PTPRD: variants seen among roughly 807,000 people sequenced by gnomAD.
The protein encoded by PTPRD is receptor-type tyrosine-protein phosphatase delta.
Under a neutral mutation model 214.5 loss-of-function variants are expected in PTPRD, and 34 were observed. That is an observed-to-expected ratio of 0.16 (90% CI 0.12 to 0.21). The LOEUF (loss-of-function observed/expected upper bound fraction) is 0.21, where lower values mean the gene tolerates loss of function less well. Among genes scored for constraint, PTPRD ranks in the 10% least tolerant of loss-of-function variants. The pLI is 1.00. For synonymous variants in PTPRD, 1,128 were observed against 845.7 expected (o/e 1.33, Z -5.79); for missense variants, 2,545 against 2,398.7 (o/e 1.06, Z -1.27).
chr9:8,904,552 G>C (rs1587758380), intron 11 of PTPRD, among the ~76,000 whole-genome samples: 1 of 151,734 alleles, frequency 6.6e-6, no homozygotes, highest in Non-Finnish European at 1.5e-5. Context: ...CATGCCTGTA[G>C]TCCCAGCTAC....
At chr9:9,855,603 C>G (rs1316755347) in intron 5 of PTPRD, among the ~76,000 whole-genome samples, 2 of 152,126 alleles carry the variant, frequency 1.3e-5, no homozygotes, top group South Asian at 2.1e-4. Flanking sequence ...AGGGAGCGCA[C>G]AAGTAAACAA....
intron 5 of PTPRD, among the ~76,000 whole-genome samples, chr9:9,837,581 G>A (rs1475510564): frequency 6.6e-6 from 1 of 152,044 alleles, no homozygotes; most frequent in African/African-American, 2.4e-5. Context: ...TTTGACTTTT[G>A]ATGGGGTAAA....
intron 14 of PTPRD, among the ~76,000 whole-genome samples, chr9:8,551,880 C>T (rs1464471001): frequency 6.6e-6 from 1 of 152,122 alleles, no homozygotes; most frequent in Non-Finnish European, 1.5e-5. Flanking sequence ...AAATGTGATC[C>T]AGTCATCCTG....
intron 3 of PTPRD, among the ~76,000 whole-genome samples, chr9:10,229,696 T>C (rs1285990566): frequency 2.7e-5 from 2 of 73,968 alleles, no homozygotes; most frequent in East Asian, 8.3e-4. Flanking sequence ...ACTCCGGGGA[T>C]GGTTGTGGGG....
intron 7 of PTPRD, among the ~76,000 whole-genome samples, chr9:9,629,753 T>TAAA (rs2095533252): frequency 1.3e-5 from 2 of 152,156 alleles, no homozygotes; most frequent in Non-Finnish European, 2.9e-5. Context: ...ATAGGCTCTT[T>TAAA]CCCTTCTGAA....
chr9:9,124,669 A>C (rs1184120325), intron 10 of PTPRD, among the ~76,000 whole-genome samples: 1 of 152,144 alleles, frequency 6.6e-6, no homozygotes, highest in Non-Finnish European at 1.5e-5. Context: ...GGTGGCTGCT[A>C]TTTCAAGCCT....
intron 11 of PTPRD, among the ~76,000 whole-genome samples, chr9:8,841,634 C>A (rs550635903): frequency 2.6e-5 from 4 of 152,012 alleles, no homozygotes; most frequent in African/African-American, 9.7e-5. Flanking sequence ...CTTTAAAAAC[C>A]CCTACCTTTC....
chr9:8,752,311 G>A (rs1381500509), intron 11 of PTPRD, among the ~76,000 whole-genome samples: 1 of 152,054 alleles, frequency 6.6e-6, no homozygotes, highest in African/African-American at 2.4e-5. Flanking sequence ...ACCTCTGGTC[G>A]TCCTCACTGC....
chr9:10,294,571 T>G (rs2095621932), intron 3 of PTPRD, among the ~76,000 whole-genome samples: 1 of 151,998 alleles, frequency 6.6e-6, no homozygotes, highest in Non-Finnish European at 1.5e-5. Flanking sequence ...GTTTTGATTT[T>G]ATGCATACAT....
At chr9:8,446,025 T>C (rs1341586818) in intron 34 of PTPRD, among the ~76,000 whole-genome samples, 1 of 152,284 alleles carries the variant, frequency 6.6e-6, no homozygotes, top group Admixed American at 6.5e-5. Flanking sequence ...AGTGACTTGA[T>C]TCTTGTCTAA....
Position 9,956,149 on chromosome 9 carries a change from T to A in PTPRD, c.-471-17539A>T, listed in dbSNP as rs115019224. 9.3e-3 allele frequency among the ~76,000 whole-genome samples: 1,415 copies of A among 152,284 alleles called. 19 individuals are homozygous for A. Among genetic ancestry groups the A allele is most frequent in the African/African-American group, 0.032 (1,318 of 41,562 alleles). ...TATGGTCTTCATTTCATCATAAATA[T>A]AATACATTTTCCTTTGGAGAGGTAT... On this transcript the variant is annotated intron_variant, in intron 4 of 45. Coordinates refer to ENST00000381196, the MANE Select transcript of PTPRD (RefSeq NM_002839.4).
intron 12 of PTPRD, among the ~76,000 whole-genome samples, chr9:8,667,709 T>G (rs2097197597): frequency 2.0e-5 from 3 of 152,092 alleles, no homozygotes; most frequent in African/African-American, 7.2e-5. Flanking sequence ...TGTTTAGACT[T>G]GGGTCCCATC....
chr9:10,317,752 T>C (rs140548312), intron 3 of PTPRD, among the ~76,000 whole-genome samples: 221 of 152,162 alleles, frequency 1.5e-3, no homozygotes, highest in African/African-American at 5.1e-3. Flanking sequence ...ATTACTTTCA[T>C]TGTCGAAATC....
Position 8,471,059 on chromosome 9 carries a change from A to G in PTPRD, c.3440T>C (p.Leu1147Ser), listed in dbSNP as rs2134949514. ...GATAAATTTCCCGCGAGATTTCTTC[A>G]AAGGCACAATTATTATGTAGTAACC... ...IKGYYIIIVPLKKSRGKFIKP... is the reference protein window; with the variant it reads ...IKGYYIIIVPSKKSRGKFIKP... The change falls in exon 31 of 46, where the codon TTG becomes TCG. Residue 1147 changes from leucine (L) to serine (S), a missense_variant. Transcript: ENST00000381196. 1 of 1,613,470 alleles carries G rather than the reference A, an allele frequency of 6.2e-7. No homozygotes were observed. Among genetic ancestry groups the G allele is most frequent in the Non-Finnish European group, 8.5e-7 (1 of 1,179,494 alleles).
intron 15 of PTPRD, 62 bp from the exon 16 acceptor site, chr9:8,527,415 T>C (rs2074469270): frequency 6.6e-7 from 1 of 1,517,932 alleles, no homozygotes; most frequent in Non-Finnish European, 9.0e-7. Flanking sequence ...TTCCTTATAA[T>C]TTGGTACAAA....
At chr9:8,505,941 C>A (rs988709823) in intron 22 of PTPRD, among the ~76,000 whole-genome samples, 24 of 152,084 alleles carry the variant, frequency 1.6e-4, no homozygotes, top group Non-Finnish European at 2.8e-4. Flanking sequence ...CAGAAAACAC[C>A]AATAGCTCAA....
chr9:8,973,609 G>C (rs2099251810), intron 11 of PTPRD, among the ~76,000 whole-genome samples: 1 of 152,006 alleles, frequency 6.6e-6, no homozygotes, highest in African/African-American at 2.4e-5. Context: ...TTGAATGGTA[G>C]CTCTGTTTTA....
chr9:9,448,918 A>T (rs1249590819), intron 8 of PTPRD, among the ~76,000 whole-genome samples: 1 of 152,090 alleles, frequency 6.6e-6, no homozygotes, highest in Non-Finnish European at 1.5e-5. Flanking sequence ...AGCCAGTGAA[A>T]AAAGAGAATG....
rs182683245 is a variant in PTPRD at position 10,464,998 on chromosome 9, A to G, written c.-599-123981T>C. On this transcript the variant is annotated intron_variant, in intron 2 of 45. Transcript: ENST00000381196. ...CAAACAAGGCTATGAATCACAACCA[A>G]TATTGCTCAACATTATAGGGAATCC... 8.0e-4 allele frequency among the ~76,000 whole-genome samples: 122 copies of G among 152,316 alleles called. 2 individuals are homozygous for G. The Middle Eastern group carries it at 0.01, about 13-fold the overall frequency.
Sources: gnomAD v4.1 joint callset for allele counts (sites outside exome capture counted in the v4.1 genomes callset) on GRCh38, gnomAD v4.1.1 for gene constraint, MANE v1.5 for transcripts, NCBI Gene and HGNC (gene_info 2026-07-23, HGNC 2026-07-21) for gene names.